ADAMTS20: variants seen among roughly 807,000 people sequenced by gnomAD.
The protein encoded by ADAMTS20 is ADAM metallopeptidase with thrombospondin type 1 motif 20, also known as A disintegrin and metalloproteinase with thrombospondin motifs 20.
A neutral mutation model predicts 260.1 loss-of-function variants in ADAMTS20; 225 were observed. That is an observed-to-expected ratio of 0.87 (90% CI 0.78 to 0.97). The LOEUF (loss-of-function observed/expected upper bound fraction) is 0.97, where lower values mean the gene tolerates loss of function less well. ADAMTS20 is among the 50% of genes least tolerant of loss of function. The probability of loss-of-function intolerance (pLI) is 0.00; values close to 1 mark genes in which losing one functional copy is unlikely to be tolerated. For missense variants in ADAMTS20, 2,400 were observed against 2,337.7 expected (o/e 1.03, Z -0.55); for synonymous variants, 802 against 769.5 (o/e 1.04, Z -0.70).
At chr12:43,450,666 A>C (rs941584535) in intron 14 of ADAMTS20, among the ~76,000 whole-genome samples, 3 of 152,124 alleles carry the variant, frequency 2.0e-5, no homozygotes, top group African/African-American at 4.8e-5. Flanking sequence ...AGTTGGCCCT[A>C]TAGAGCTCCA....
At chr12:43,446,559 A>G in intron 15 of ADAMTS20, 36 bp downstream of exon 15, 1 of 1,543,796 alleles carries the variant, frequency 6.5e-7, no homozygotes, top group Non-Finnish European at 8.9e-7. Context: ...ATTATACTAA[A>G]TAAAAGCGAA....
intron 16 of ADAMTS20, among the ~76,000 whole-genome samples, chr12:43,441,149 T>C (rs374219864): frequency 6.6e-6 from 1 of 152,082 alleles, no homozygotes; most frequent in East Asian, 1.9e-4. Flanking sequence ...TACAAACGTC[T>C]AGATCTTCTA....
intron 37 of ADAMTS20, among the ~76,000 whole-genome samples, chr12:43,358,412 T>A (rs1939790721): frequency 6.6e-6 from 1 of 152,186 alleles, no homozygotes; most frequent in Non-Finnish European, 1.5e-5. Flanking sequence ...TTTGGTATGA[T>A]GTTGACGGAG....
chr12:43,473,498 C>T (rs1942300851), intron 7 of ADAMTS20, among the ~76,000 whole-genome samples: 1 of 28,606 alleles, frequency 3.5e-5, no homozygotes. Flanking sequence ...TAATAGACAT[C>T]TACAGAACTC....
In ADAMTS20 at chr12:43,425,508, T is replaced by A. The variant is rs887939043; in HGVS notation, c.4284+6A>T. The A allele has an allele frequency of 2.0e-6, 3 of 1,496,072 alleles. No homozygotes were observed. The highest frequency in any genetic ancestry group is 2.7e-6 in the Non-Finnish European group (3 of 1,109,988). The allele number at this position is 1,496,072 out of a possible 1,614,324, so 92.7% of individuals were successfully genotyped here. ...GACATGTTAACAGACAAGAGTGCTATCATACCGATGTCCATGGTTCCTGAT... is the reference window on the plus strand; with the variant it reads ...GACATGTTAACAGACAAGAGTGCTAACATACCGATGTCCATGGTTCCTGAT... On this transcript the variant is annotated splice_donor_region_variant and intron_variant, in intron 28 of 38. Transcript: ENST00000389420.
intron 7 of ADAMTS20, among the ~76,000 whole-genome samples, chr12:43,479,334 A>G (rs1942407676): frequency 6.6e-6 from 1 of 152,220 alleles, no homozygotes; most frequent in Non-Finnish European, 1.5e-5. Context: ...GATTTGAACT[A>G]CACAATTAGC....
rs1356611178 is a variant in ADAMTS20 at position 43,364,568 on chromosome 12, A to G, written c.5538+4722T>C. Among the ~76,000 whole-genome samples, 3 of 152,194 alleles carry G rather than the reference A, an allele frequency of 2.0e-5. No homozygotes were observed. In the South Asian group the frequency reaches 6.2e-4, roughly 31 times the overall value. ...TCAAAGGAAAACTCTGAAGATGAAAAGTACAATAATCAAGATTAAAAAATT... is the reference window on the plus strand; with the variant it reads ...TCAAAGGAAAACTCTGAAGATGAAAGGTACAATAATCAAGATTAAAAAATT... On this transcript the variant is annotated intron_variant, in intron 37 of 38. Coordinates refer to ENST00000389420, the MANE Select transcript of ADAMTS20 (RefSeq NM_025003.5).
At chr12:43,428,055 A>G (rs914902604) in intron 26 of ADAMTS20, among the ~76,000 whole-genome samples, 186 bp downstream of exon 26, 7 of 152,230 alleles carry the variant, frequency 4.6e-5, no homozygotes, top group Non-Finnish European at 1.0e-4. Flanking sequence ...ACATTAGTGC[A>G]TAATTCAATA....
chr12:43,420,215 C>T (rs1372578093), intron 28 of ADAMTS20, among the ~76,000 whole-genome samples: 1 of 152,152 alleles, frequency 6.6e-6, no homozygotes, highest in African/African-American at 2.4e-5. Context: ...GGCATTCTGG[C>T]CACCTGTTTA....
intron 32 of ADAMTS20, 121 bp downstream of exon 32, chr12:43,377,244 T>G: frequency 1.3e-6 from 1 of 756,054 alleles, no homozygotes; most frequent in Non-Finnish European, 2.0e-6. Context: ...AATGTGGATT[T>G]TAGAAAATAG....
rs900593752 is a variant in ADAMTS20 at position 43,527,441 on chromosome 12, A to G, written c.613+4595T>C. Among the ~76,000 whole-genome samples the G allele has an allele frequency of 2.6e-5, 4 of 152,318 alleles. No individual in the cohort carries two copies. The East Asian group carries it at 7.7e-4, about 29-fold the overall frequency. ...GATAAAAATGAAACAAAAATCCTCA[A>G]CAAAGTACTGGCTAACCAAATCCAA... On this transcript the variant is annotated intron_variant, in intron 3 of 38. Coordinates refer to ENST00000389420, the MANE Select transcript of ADAMTS20 (RefSeq NM_025003.5).
chr12:43,396,084 G>T (rs1193724473), intron 29 of ADAMTS20, among the ~76,000 whole-genome samples: 3 of 151,784 alleles, frequency 2.0e-5, no homozygotes, highest in South Asian at 4.2e-4. Flanking sequence ...TCTTTTAAAT[G>T]ATTCAATTAT....
At chr12:43,387,328 C>T (rs1034156840) in intron 29 of ADAMTS20, among the ~76,000 whole-genome samples, 2 of 152,216 alleles carry the variant, frequency 1.3e-5, no homozygotes, top group Non-Finnish European at 2.9e-5. Context: ...GGCTGCAGAA[C>T]AGCAAAGATT....
rs769903420 is a variant in ADAMTS20 at position 43,439,926 on chromosome 12, T to C, written c.2434A>G (p.Asn812Asp). The change falls in exon 17 of 39, where the codon AAT becomes GAT. Residue 812 changes from asparagine to aspartate, a missense_variant. Asn to Asp is a conservative substitution (Grantham distance 23). Coordinates refer to ENST00000389420, the MANE Select transcript of ADAMTS20 (RefSeq NM_025003.5). ...AAAATAAGTTCTTTCTCTTGTCGAT[T>C]AGTACTATTAATTCTTTCAACTGCG... Reference protein sequence around the residue: ...NNAVERINSTNRQEKELILQV... With the variant: ...NNAVERINSTDRQEKELILQV... 37 of 1,606,946 alleles carry C rather than the reference T, an allele frequency of 2.3e-5. No homozygotes were observed. The highest frequency in any genetic ancestry group is 3.1e-5 in the Non-Finnish European group (36 of 1,176,152).
At chr12:43,421,268 C>T (rs1434912640) in intron 28 of ADAMTS20, among the ~76,000 whole-genome samples, 1 of 82,674 alleles carries the variant, frequency 1.2e-5, no homozygotes, top group African/African-American at 5.1e-5. Context: ...GTTCAAGTAG[C>T]AAGCTTTCAT....
chr12:43,511,566 G>A (rs576231380), intron 3 of ADAMTS20, among the ~76,000 whole-genome samples: 4 of 152,158 alleles, frequency 2.6e-5, no homozygotes, highest in Admixed American at 1.3e-4. Context: ...GTGAGAGAGG[G>A]AAATGAAAGA....
intron 29 of ADAMTS20, among the ~76,000 whole-genome samples, chr12:43,387,777 A>C (rs527509708): frequency 6.6e-6 from 1 of 152,304 alleles, no homozygotes; most frequent in Non-Finnish European, 1.5e-5. Context: ...TGAAAAAATG[A>C]ATTGTGGTGG....
At chr12:43,527,147 A>G (rs112519164) in intron 3 of ADAMTS20, among the ~76,000 whole-genome samples, 1 of 152,196 alleles carries the variant, frequency 6.6e-6, no homozygotes, top group Admixed American at 6.5e-5. Context: ...AGGAAGAAAT[A>G]GAAACCCTAC....
chr12:43,461,800 T>C (rs2137372599), intron 11 of ADAMTS20, among the ~76,000 whole-genome samples: 1 of 152,288 alleles, frequency 6.6e-6, no homozygotes, highest in East Asian at 1.9e-4. Context: ...TAAAGTCCTT[T>C]AAATAACTCT....
Sources: allele counts gnomAD v4.1 joint callset (sites outside exome capture counted in the v4.1 genomes callset), GRCh38; gene constraint gnomAD v4.1.1; transcripts MANE v1.5; gene names NCBI Gene and HGNC (gene_info 2026-07-23, HGNC 2026-07-21).